The following SUMF1 variants were observed in gnomAD, a reference collection of about 807,000 sequenced individuals.
The protein encoded by SUMF1 is formylglycine-generating enzyme.
In SUMF1, 48 loss-of-function variants were observed where a neutral mutation model predicts 47.6. The observed-to-expected ratio is 1.01, with a 90% CI of 0.80 to 1.28. The LOEUF (loss-of-function observed/expected upper bound fraction) is 1.28, where lower values mean the gene tolerates loss of function less well. Ranked by LOEUF, SUMF1 falls within the 50% of genes most tolerant of loss-of-function variation. The pLI is 0.00. For synonymous variants in SUMF1, 230 were observed against 192.1 expected (o/e 1.20, Z -1.63); for missense variants, 571 against 485.4 (o/e 1.18, Z -1.66).
intron 8 of SUMF1, among the ~76,000 whole-genome samples, chr3:4,290,926 A>T (rs1697729148): frequency 6.6e-6 from 1 of 152,164 alleles, no homozygotes. Flanking sequence ...TCAGGAAAAA[A>T]AACAACTGTA....
At chr3:4,295,547 G>A (rs116693161) in intron 8 of SUMF1, among the ~76,000 whole-genome samples, 210 of 152,096 alleles carry the variant, frequency 1.4e-3, no homozygotes, top group African/African-American at 4.7e-3. Flanking sequence ...TGAAATGAAC[G>A]AACCGCGGGC....
At chr3:4,252,603 CAGAG>C (rs199573457) in intron 8 of SUMF1, among the ~76,000 whole-genome samples, 1 of 152,112 alleles carries the variant, frequency 6.6e-6, no homozygotes, top group East Asian at 1.9e-4. Context: ...TTAAAGGTCT[CAGAG>C]AGAGAACAAA....
intron 8 of SUMF1, among the ~76,000 whole-genome samples, chr3:4,195,182 A>G (rs569279038): frequency 6.6e-6 from 1 of 152,246 alleles, no homozygotes; most frequent in East Asian, 1.9e-4. Flanking sequence ...GGAAAATTTG[A>G]AACATATCAT....
chr3:4,245,977 T>G (rs1304022278), intron 8 of SUMF1, among the ~76,000 whole-genome samples: 1 of 152,164 alleles, frequency 6.6e-6, no homozygotes, highest in Non-Finnish European at 1.5e-5. Context: ...TGGATGCCCC[T>G]TTCCCTGCCA....
intron 7 of SUMF1, among the ~76,000 whole-genome samples, chr3:4,408,110 G>A (rs773798105): frequency 3.9e-5 from 6 of 152,176 alleles, no homozygotes; most frequent in Non-Finnish European, 7.3e-5. Flanking sequence ...CTGCTAGTCA[G>A]CCAAAACTAA....
intron 8 of SUMF1, among the ~76,000 whole-genome samples, chr3:4,129,702 T>C (rs1408605903): frequency 6.6e-6 from 1 of 152,100 alleles, no homozygotes; most frequent in Non-Finnish European, 1.5e-5. Flanking sequence ...TAATCAGACA[T>C]TTGGGGAAAT....
intron 3 of SUMF1, among the ~76,000 whole-genome samples, chr3:4,432,529 A>G (rs1274535510): frequency 6.6e-6 from 1 of 152,100 alleles, no homozygotes; most frequent in Admixed American, 6.6e-5. Context: ...CCTACATCAC[A>G]GTCCCCCTTG....
intron 8 of SUMF1, among the ~76,000 whole-genome samples, chr3:4,171,599 T>C (rs1421971156): frequency 6.6e-6 from 1 of 152,164 alleles, no homozygotes; most frequent in African/African-American, 2.4e-5. Flanking sequence ...TGAATGTAGA[T>C]GAGAAAATAG....
intron 9 of SUMF1, among the ~76,000 whole-genome samples, chr3:4,066,313 T>C (rs1360083545): frequency 6.6e-6 from 1 of 152,082 alleles, no homozygotes; most frequent in Non-Finnish European, 1.5e-5. Flanking sequence ...CATAAAACGA[T>C]CTTTTTTCAT....
At chr3:4,167,504 C>A (rs992383903) in intron 8 of SUMF1, among the ~76,000 whole-genome samples, 3 of 152,152 alleles carry the variant, frequency 2.0e-5, no homozygotes, top group African/African-American at 7.2e-5. Context: ...GTACATTTTA[C>A]AAACCTCTCA....
intron 7 of SUMF1, among the ~76,000 whole-genome samples, chr3:4,384,885 C>G: frequency 6.6e-6 from 1 of 151,022 alleles, no homozygotes; most frequent in East Asian, 1.9e-4. Context: ...TTTCTTTTTT[C>G]TTTTTTCTTT....
At chr3:4,263,554 A>T (rs1401270943) in intron 8 of SUMF1, among the ~76,000 whole-genome samples, 1 of 152,106 alleles carries the variant, frequency 6.6e-6, no homozygotes, top group African/African-American at 2.4e-5. Context: ...ACTCATCAAC[A>T]CTGGTCCATT....
chr3:4,144,565 A>G (rs1424425787), intron 8 of SUMF1, among the ~76,000 whole-genome samples: 1 of 152,134 alleles, frequency 6.6e-6, no homozygotes, highest in Non-Finnish European at 1.5e-5. Context: ...ATTATTAGGA[A>G]TACAAATGCA....
chr3:4,310,699 T>C (rs1275245596), intron 8 of SUMF1, among the ~76,000 whole-genome samples: 2 of 152,158 alleles, frequency 1.3e-5, no homozygotes, highest in Admixed American at 6.5e-5. Flanking sequence ...TAAGTAAAAA[T>C]AACGAAATAA....
At chr3:4,345,603 A>T (rs1477859843) in intron 8 of SUMF1, among the ~76,000 whole-genome samples, 1 of 152,194 alleles carries the variant, frequency 6.6e-6, no homozygotes, top group African/African-American at 2.4e-5. Context: ...AAGACCAATG[A>T]CACTACGAAG....
chr3:4,145,285 T>G (rs1006743509), intron 8 of SUMF1, among the ~76,000 whole-genome samples: 3 of 149,428 alleles, frequency 2.0e-5, no homozygotes, highest in Admixed American at 2.0e-4. Context: ...AGTGCCAGAA[T>G]CTAGCAGAGT....
intron 8 of SUMF1, among the ~76,000 whole-genome samples, chr3:4,251,789 T>C (rs1355329990): frequency 6.6e-6 from 1 of 152,216 alleles, no homozygotes; most frequent in African/African-American, 2.4e-5. Context: ...TCAGGGACCA[T>C]CAATATCAAG....
At chr3:4,121,102 G>A (rs1054863415) in intron 8 of SUMF1, among the ~76,000 whole-genome samples, 1 of 152,076 alleles carries the variant, frequency 6.6e-6, no homozygotes, top group Non-Finnish European at 1.5e-5. Flanking sequence ...CTGTGACCCT[G>A]GGCTAATCAC....
intron 8 of SUMF1, among the ~76,000 whole-genome samples, chr3:4,288,031 T>C (rs1049767007): frequency 6.6e-6 from 1 of 151,460 alleles, no homozygotes; most frequent in African/African-American, 2.4e-5. Context: ...AATTTAAAGA[T>C]GATCCCATGC....
Sources: gnomAD v4.1 joint callset for allele counts (sites outside exome capture counted in the v4.1 genomes callset) on GRCh38, gnomAD v4.1.1 for gene constraint, MANE v1.5 for transcripts, NCBI Gene and HGNC (gene_info 2026-07-23, HGNC 2026-07-21) for gene names.